The following EPHA5 variants were observed in gnomAD, a reference collection of about 807,000 sequenced individuals.
EPHA5 encodes ephrin type-A receptor 5.
A neutral mutation model predicts 105.0 loss-of-function variants in EPHA5; 60 were observed. The observed-to-expected ratio is 0.57, with a 90% confidence interval of 0.46 to 0.71. The LOEUF is 0.71. Among genes scored for constraint, EPHA5 ranks in the 30% least tolerant of loss-of-function variants. The pLI is 0.00. For missense variants in EPHA5, 1,218 were observed against 1,274.7 expected, an observed-to-expected ratio of 0.96 and a Z score of 0.68; for synonymous variants, 513 against 449.1, an observed-to-expected ratio of 1.14 and a Z score of -1.80.
At chr4:65,520,687 AAAC>A (rs1366599990) in intron 3 of EPHA5, among the ~76,000 whole-genome samples, 4 of 152,088 alleles carry the variant, frequency 2.6e-5, no homozygotes, top group African/African-American at 9.7e-5. Flanking sequence ...ACAAGAAAAA[AAAC>A]AACCCCATCA....
chr4:65,370,044 A>G (rs1156968050), intron 8 of EPHA5, among the ~76,000 whole-genome samples: 1 of 152,122 alleles, frequency 6.6e-6, no homozygotes, highest in Non-Finnish European at 1.5e-5. Flanking sequence ...AACACTAGTA[A>G]ATTTTCAGTA....
chr4:65,468,956 T>C (rs973237919), intron 5 of EPHA5, among the ~76,000 whole-genome samples: 1 of 151,988 alleles, frequency 6.6e-6, no homozygotes, highest in Non-Finnish European at 1.5e-5. Flanking sequence ...CATGGGGAAG[T>C]CTGTGGGGAA....
At chr4:65,345,307 T>C (rs778094413) in intron 14 of EPHA5, among the ~76,000 whole-genome samples, 14 of 152,238 alleles carry the variant, frequency 9.2e-5, no homozygotes, top group South Asian at 2.1e-4. Context: ...AGACTCATTG[T>C]CATCCGGTGT....
chr4:65,502,908 T>A (rs1365909298), intron 3 of EPHA5, among the ~76,000 whole-genome samples: 1 of 151,924 alleles, frequency 6.6e-6, no homozygotes, highest in Non-Finnish European at 1.5e-5. Context: ...GTGGTACAAG[T>A]ACCGCATGGA....
At chr4:65,517,506 C>A (rs193023182) in intron 3 of EPHA5, among the ~76,000 whole-genome samples, 72 of 151,726 alleles carry the variant, frequency 4.7e-4, no homozygotes, top group Non-Finnish European at 8.0e-4. Context: ...TAGAATTAAG[C>A]CAGTTATCAT....
intron 5 of EPHA5, among the ~76,000 whole-genome samples, chr4:65,434,998 C>G (rs1359294637): frequency 1.3e-5 from 2 of 151,954 alleles, no homozygotes; most frequent in Admixed American, 1.3e-4. Flanking sequence ...AAATATAGGT[C>G]CTTGTAATTT....
chr4:65,345,586 G>C (rs1722137237), intron 14 of EPHA5, among the ~76,000 whole-genome samples: 1 of 152,180 alleles, frequency 6.6e-6, no homozygotes, highest in African/African-American at 2.4e-5. Flanking sequence ...AGAGCGAGAG[G>C]AACTATGGAA....
At chr4:65,589,893 C>T in intron 3 of EPHA5, among the ~76,000 whole-genome samples, 1 of 152,028 alleles carries the variant, frequency 6.6e-6, no homozygotes, top group Non-Finnish European at 1.5e-5. Context: ...ACTTTTCCAC[C>T]CACAAAATGG....
intron 2 of EPHA5, among the ~76,000 whole-genome samples, chr4:65,641,380 AT>A (rs556303057): frequency 6.6e-6 from 1 of 151,722 alleles, no homozygotes; most frequent in Admixed American, 6.6e-5. Context: ...TGACTCGAAC[AT>A]TTTTTTTCCA....
chr4:65,408,633 C>A (rs1206514943), intron 7 of EPHA5, among the ~76,000 whole-genome samples: 2 of 152,032 alleles, frequency 1.3e-5, no homozygotes, highest in Non-Finnish European at 2.9e-5. Context: ...ATCAAAACCA[C>A]AATGAGATAC....
chr4:65,654,241 G>GA (rs35249905), intron 1 of EPHA5, among the ~76,000 whole-genome samples: 40,286 of 135,800 alleles, frequency 0.3, 5,869 homozygotes, highest in Non-Finnish European at 0.35. Flanking sequence ...CTTCTTTCTT[G>GA]AAAAAAAAAA....
intron 14 of EPHA5, among the ~76,000 whole-genome samples, chr4:65,340,037 C>G (rs1336132449): frequency 6.6e-6 from 1 of 152,170 alleles, no homozygotes; most frequent in Non-Finnish European, 1.5e-5. Context: ...ACAACTCACT[C>G]TCCCTGGGGG....
At chr4:65,464,992 A>G (rs944503633) in intron 5 of EPHA5, among the ~76,000 whole-genome samples, 42 of 152,292 alleles carry the variant, frequency 2.8e-4, no homozygotes, top group African/African-American at 8.9e-4. Flanking sequence ...ATAGTAGAAG[A>G]GACAAATAAG....
At chr4:65,454,748 A>C (rs1288159402) in intron 5 of EPHA5, among the ~76,000 whole-genome samples, 1 of 152,226 alleles carries the variant, frequency 6.6e-6, no homozygotes. Flanking sequence ...AAAACTTTAA[A>C]GCACAGACTG....
chr4:65,413,478 C>A (rs1219841810), intron 7 of EPHA5, among the ~76,000 whole-genome samples: 1 of 152,028 alleles, frequency 6.6e-6, no homozygotes, highest in Non-Finnish European at 1.5e-5. Flanking sequence ...AAATTCATAA[C>A]TGAATTATCA....
At position 65,490,396 on chromosome 4, in the gene EPHA5, A is replaced by G. The variant is rs1448496310; in HGVS notation, c.1383T>C (p.Asn461=). The G allele has an allele frequency of 1.2e-6, 2 of 1,613,992 alleles. No homozygotes were observed. The highest frequency in any genetic ancestry group is 1.1e-5 in the South Asian group (1 of 91,080). The change falls in exon 5 of 17, where the codon AAT becomes AAC. Residue 461 remains asparagine, a synonymous_variant. Transcript: ENST00000613740. ...ACTTACCTGCTTGATTTGTGGTTAC[A>G]TTTACAGACACATACTGCCGGGCTC... The part of the protein sequence containing the change: ...SPGARQYVSV[N]VTTNQAAPSP...
chr4:65,576,712 C>T (rs2149389635), intron 3 of EPHA5, among the ~76,000 whole-genome samples: 2 of 152,252 alleles, frequency 1.3e-5, no homozygotes, highest in Non-Finnish European at 2.9e-5. Flanking sequence ...GTTTCTGTTA[C>T]CTATCACAGA....
chr4:65,631,482 T>A (rs2149491921), intron 2 of EPHA5, among the ~76,000 whole-genome samples: 1 of 152,210 alleles, frequency 6.6e-6, no homozygotes, highest in Middle Eastern at 3.4e-3. Flanking sequence ...ATAATGAACT[T>A]ATAAGTCTAT....
chr4:65,576,095 AAAGAAAAGAAAAG>A (rs1380345146), intron 3 of EPHA5, among the ~76,000 whole-genome samples: 1 of 107,046 alleles, frequency 9.3e-6, no homozygotes, highest in East Asian at 3.3e-4. Flanking sequence ...AAAGAAAAGA[AAAGAAAAGAAAAG>A]AAAAGAAAAA....
Sources: allele counts gnomAD v4.1 joint callset (sites outside exome capture counted in the v4.1 genomes callset), GRCh38; gene constraint gnomAD v4.1.1; transcripts MANE v1.5; gene names NCBI Gene and HGNC (gene_info 2026-07-23, HGNC 2026-07-21).